STC1: variants seen among roughly 807,000 people sequenced by gnomAD.
STC1 encodes stanniocalcin-1.
In STC1, 7 loss-of-function variants were observed where a neutral mutation model predicts 22.6. The observed-to-expected ratio is 0.31, with a 90% confidence interval of 0.18 to 0.58. The LOEUF (loss-of-function observed/expected upper bound fraction) is 0.58. STC1 is among the 20% of genes least tolerant of loss of function. The probability of loss-of-function intolerance (pLI) is 0.89; values close to 1 mark genes in which losing one functional copy is unlikely to be tolerated. For synonymous variants in STC1, 113 were observed against 120.7 expected, an observed-to-expected ratio of 0.94 and a Z score of 0.42; for missense variants, 224 against 311.0, an observed-to-expected ratio of 0.72 and a Z score of 2.10.
At position 23,854,553 on chromosome 8, in the gene STC1, G is replaced by GTTT. The variant is rs5890129; in HGVS notation, c.-33_-31dup. 34 of 1,326,726 alleles carry GTTT rather than the reference G, an allele frequency of 2.6e-5. No homozygotes were observed. The highest frequency in any genetic ancestry group is 4.5e-5 in the African/African-American group (3 of 66,972). 82.2% of individuals were successfully genotyped at this position (1,326,726 alleles called of 1,614,324 possible). On this transcript the variant is annotated 5_prime_UTR_variant, in exon 1 of 4. Coordinates refer to ENST00000290271, the MANE Select transcript of STC1 (RefSeq NM_003155.3). ...TGAGAAGTTTCCGCTAAGTTGTTGG[G>GTTT]TTTTTTTTTTTTCCTGCCCCCCTTT... is the stretch of plus-strand genomic sequence containing the variant.
chr8:23,849,385 T>C (rs564725283), intron 3 of STC1, among the ~76,000 whole-genome samples: 140 of 152,096 alleles, frequency 9.2e-4, no homozygotes, highest in Non-Finnish European at 1.7e-3. Context: ...GCATGGAAGA[T>C]TCCGGTTTTC....
At chr8:23,850,116 G>T (rs563475145) in intron 3 of STC1, among the ~76,000 whole-genome samples, 1 of 152,292 alleles carries the variant, frequency 6.6e-6, no homozygotes, top group South Asian at 2.1e-4. Context: ...GGGTGAAAAA[G>T]AAATTTTACA....
At position 23,842,482 on chromosome 8, in the gene STC1, G is replaced by GC. The variant is rs1158672880; in HGVS notation, c.*2287dup. 4.0e-5 allele frequency: 2 copies of GC among 50,508 alleles called. No individual in the cohort carries two copies. Among genetic ancestry groups the GC allele is most frequent in the African/African-American group, 2.0e-4 (2 of 10,002 alleles). The allele number at this position is 50,508 out of a possible 1,614,324, so 3.1% of individuals were successfully genotyped here. A position where few individuals can be genotyped will look rare whatever the true frequency, so the allele number is the denominator to read the frequency against. On this transcript the variant is annotated 3_prime_UTR_variant, in exon 4 of 4. Transcript: ENST00000290271. Reference sequence around the variant, plus strand: ...GGTACCACGGTTTGAAGAGGTCACAGCCAAAAAAAAAAAAAAAAAAAAAGA... The same window carrying GC: ...GGTACCACGGTTTGAAGAGGTCACAGCCCAAAAAAAAAAAAAAAAAAAAAGA...
Position 23,844,606 on chromosome 8 carries a change from G to T in STC1, c.*164C>A. The stretch of plus-strand genomic sequence containing the variant: ...GAATGCTGCCATTGCAGAATGTTGG[G>T]ATATTGATTACAGAAGCCTAGTTTC... On this transcript the variant is annotated 3_prime_UTR_variant, in exon 4 of 4. Transcript: ENST00000290271. The T allele has an allele frequency of 1.3e-6, 1 of 756,348 alleles. No homozygotes were observed. Among genetic ancestry groups the T allele is most frequent in the Non-Finnish European group, 2.1e-6 (1 of 480,964 alleles). 46.9% of individuals were successfully genotyped at this position (756,348 alleles called of 1,614,324 possible). A position where few individuals can be genotyped will look rare whatever the true frequency, so the allele number is the denominator to read the frequency against.
intron 3 of STC1, among the ~76,000 whole-genome samples, chr8:23,846,154 C>T (rs1457204154): frequency 6.6e-6 from 1 of 152,090 alleles, no homozygotes; most frequent in Non-Finnish European, 1.5e-5. Flanking sequence ...TTACCAAAAC[C>T]CCTTGTGTTT....
At chr8:23,846,052 G>A (rs1162443312) in intron 3 of STC1, among the ~76,000 whole-genome samples, 1 of 152,098 alleles carries the variant, frequency 6.6e-6, no homozygotes, top group Non-Finnish European at 1.5e-5. Context: ...GATTTATTTT[G>A]CAGCCACTAA....
At chr8:23,845,530 T>C (rs1368117319) in intron 3 of STC1, among the ~76,000 whole-genome samples, 4 of 151,200 alleles carry the variant, frequency 2.6e-5, no homozygotes, top group Non-Finnish European at 5.9e-5. Flanking sequence ...TAATTTTCCT[T>C]TTTTTGGTGG....
chr8:23,853,805 G>A (rs527345106), intron 1 of STC1, among the ~76,000 whole-genome samples: 15 of 152,220 alleles, frequency 9.9e-5, no homozygotes, highest in African/African-American at 3.6e-4. Context: ...CGGGCTGCAG[G>A]GACGACTGAA....
Position 23,854,756 on chromosome 8 carries a change from T to G in STC1, c.-233A>C. ...CTGCTGCTGCTGCCACCGCCGCTGC[T>G]GCTGCTGCTGCTGCAGTCGCTGCTT... is the stretch of plus-strand genomic sequence containing the variant. On this transcript the variant is annotated 5_prime_UTR_variant, in exon 1 of 4. Transcript: ENST00000290271. 1 of 620,784 alleles carries G rather than the reference T, an allele frequency of 1.6e-6. No individual in the cohort carries two copies. The allele number at this position is 620,784 out of a possible 1,614,324, so 38.5% of individuals were successfully genotyped here. A position where few individuals can be genotyped will look rare whatever the true frequency, so the allele number is the denominator to read the frequency against.
intron 1 of STC1, among the ~76,000 whole-genome samples, chr8:23,853,648 T>C (rs1802664795): frequency 6.6e-6 from 1 of 152,190 alleles, no homozygotes; most frequent in South Asian, 2.1e-4. Context: ...GAGGTGTCAA[T>C]GCAGGCTTCC....
intron 2 of STC1, 151 bp downstream of exon 2, chr8:23,852,091 C>T (rs1346173770): frequency 2.4e-6 from 2 of 838,486 alleles, no homozygotes; most frequent in African/African-American, 1.7e-5. Context: ...TGCATGCACA[C>T]ACTTGTGCAT....
rs955125681 is a variant in STC1, at chr8:23,854,708, T to G, written c.-185A>C. 1.9e-5 allele frequency: 12 copies of G among 616,786 alleles called. No homozygotes were observed. Among genetic ancestry groups the G allele is most frequent in the Non-Finnish European group, 3.0e-5 (10 of 334,978 alleles). 38.2% of individuals were successfully genotyped at this position (616,786 alleles called of 1,614,324 possible). A position where few individuals can be genotyped will look rare whatever the true frequency, so the allele number is the denominator to read the frequency against. ...CTGCTGCTGCCACCGGTGCCTCCGC[T>G]GCTGCTGCTGCTGCCGCCGCTGCTG... is the stretch of plus-strand genomic sequence containing the variant. On this transcript the variant is annotated 5_prime_UTR_variant, in exon 1 of 4. Transcript: ENST00000290271.
intron 3 of STC1, among the ~76,000 whole-genome samples, chr8:23,847,165 T>C (rs185722188): frequency 2.9e-4 from 44 of 152,356 alleles, no homozygotes; most frequent in African/African-American, 1.0e-3. Context: ...GAAATGCTAG[T>C]TCTTCCTTAG....
rs1802546971 is a variant in STC1 at position 23,844,435 on chromosome 8, A to T, written c.*335T>A. Reference sequence around the variant, plus strand: ...GTTCTAAAGGGATCCACATCTTCAAATTACAATGGCTGGAGAGTTACATGA... The same window carrying T: ...GTTCTAAAGGGATCCACATCTTCAATTTACAATGGCTGGAGAGTTACATGA... On this transcript the variant is annotated 3_prime_UTR_variant, in exon 4 of 4. Transcript: ENST00000290271. The T allele has an allele frequency of 3.0e-6, 1 of 331,044 alleles. No individual in the cohort carries two copies. Among genetic ancestry groups the T allele is most frequent in the South Asian group, 4.1e-5 (1 of 24,558 alleles). The allele number at this position is 331,044 out of a possible 1,614,324, so 20.5% of individuals were successfully genotyped here. A position where few individuals can be genotyped will look rare whatever the true frequency, so the allele number is the denominator to read the frequency against.
In STC1 at chr8:23,854,592, C is replaced by A; in HGVS notation, c.-69G>T. 7.7e-7 allele frequency: 1 copy of A among 1,302,866 alleles called. No individual in the cohort carries two copies. Among genetic ancestry groups the A allele is most frequent in the Non-Finnish European group, 1.1e-6 (1 of 898,286 alleles). The allele number at this position is 1,302,866 out of a possible 1,614,324, so 80.7% of individuals were successfully genotyped here. A position where few individuals can be genotyped will look rare whatever the true frequency, so the allele number is the denominator to read the frequency against. On this transcript the variant is annotated 5_prime_UTR_variant, in exon 1 of 4. Transcript: ENST00000290271. ...CTGCCCCCCTTTCCTCTTTCCCTCT[C>A]CTGGCTTGAGTGAAGATGTGGATCT...
chr8:23,854,443 C>T lies in STC1; in HGVS notation c.81G>A (p.Val27=), dbSNP rs1375252728. 1.9e-6 allele frequency: 3 copies of T among 1,614,028 alleles called. No homozygotes were observed. Among genetic ancestry groups the T allele is most frequent in the African/African-American group, 1.3e-5 (1 of 74,906 alleles). The change falls in exon 1 of 4, where the codon GTG becomes GTA. Residue 27 remains valine, a synonymous_variant. Coordinates refer to ENST00000290271, the MANE Select transcript of STC1 (RefSeq NM_003155.3). The part of the protein sequence containing the change: ...ATHEAEQNDS[V]SPRKSRVAAQ... ...CCGCCACTCGGGATTTCCTGGGGCTCACAGAGTCATTCTGCTCCGCCTCAT... is the reference window on the plus strand; with the variant it reads ...CCGCCACTCGGGATTTCCTGGGGCTTACAGAGTCATTCTGCTCCGCCTCAT...
rs1047684487 is a variant in STC1, at chr8:23,844,799, T to C, written c.715A>G (p.Ile239Val). 3.7e-6 allele frequency: 6 copies of C among 1,613,964 alleles called. No homozygotes were observed. The East Asian group carries it at 1.1e-4, about 30-fold the overall frequency. The change falls in exon 4 of 4, where the codon ATC (isoleucine) becomes GTC (valine). Residue 239 changes from isoleucine to valine, a missense_variant. Ile to Val is a conservative substitution (Grantham distance 29). Transcript: ENST00000290271. ...GCACTCTCATGGGATGTGCGTTTGA[T>C]GTGGGAGGGAGAGTCCTCCTCACCT... is the stretch of plus-strand genomic sequence containing the variant. Reference protein sequence around the residue: ...LRGEEDSPSHIKRTSHESA With the variant: ...LRGEEDSPSHVKRTSHESA
At chr8:23,849,275 C>T (rs898603859) in intron 3 of STC1, among the ~76,000 whole-genome samples, 1 of 152,198 alleles carries the variant, frequency 6.6e-6, no homozygotes, top group Non-Finnish European at 1.5e-5. Flanking sequence ...AGGTGAGCAG[C>T]TTCAATGGAG....
intron 3 of STC1, among the ~76,000 whole-genome samples, chr8:23,849,563 T>C (rs1248204654): frequency 6.6e-6 from 1 of 152,186 alleles, no homozygotes; most frequent in Non-Finnish European, 1.5e-5. Flanking sequence ...TAGTCTCTTC[T>C]TAGATAAATT....
Sources: gnomAD v4.1 joint callset for allele counts (sites outside exome capture counted in the v4.1 genomes callset) on GRCh38, gnomAD v4.1.1 for gene constraint, MANE v1.5 for transcripts, NCBI Gene and HGNC (gene_info 2026-07-23, HGNC 2026-07-21) for gene names.